DMD: variants seen among roughly 807,000 people sequenced by gnomAD.
DMD encodes the protein mutant dystrophin.
In DMD, 63 loss-of-function variants were observed where a neutral mutation model predicts 330.1. The observed-to-expected ratio is 0.19, with a 90% CI of 0.16 to 0.24. The LOEUF is 0.24. Among genes scored for constraint, DMD ranks in the 10% least tolerant of loss-of-function variants. The pLI, the probability that DMD is intolerant of heterozygous loss-of-function variation, is 1.00. For synonymous variants in DMD, 1,223 were observed against 959.8 expected (o/e 1.27, Z -5.07); for missense variants, 3,344 against 2,684.1 (o/e 1.25, Z -5.43).
chrX:31,294,042 T>C (rs1296805594), intron 62 of DMD, among the ~76,000 whole-genome samples: 1 of 111,889 alleles, frequency 8.9e-6, no homozygotes, highest in East Asian at 2.8e-4. Flanking sequence ...ACATAATATT[T>C]TCCAAAGCTT....
intron 7 of DMD, among the ~76,000 whole-genome samples, chrX:32,704,727 T>C (rs2064448555): frequency 9.0e-6 from 1 of 111,496 alleles, no homozygotes; most frequent in Admixed American, 9.5e-5. Flanking sequence ...AATAAATAAA[T>C]TCACTGAGAA....
At chrX:31,213,812 G>T (rs1215675370) in intron 64 of DMD, among the ~76,000 whole-genome samples, 1 of 111,968 alleles carries the variant, frequency 8.9e-6, no homozygotes, top group Non-Finnish European at 1.9e-5. Flanking sequence ...CTCATTCTTA[G>T]CTAAAAGTAT....
intron 11 of DMD, among the ~76,000 whole-genome samples, chrX:32,618,746 T>C (rs2057774311): frequency 9.0e-6 from 1 of 110,681 alleles, no homozygotes; most frequent in Admixed American, 9.6e-5. Context: ...ATGGCTACTA[T>C]CCAAAACAAA....
At chrX:32,406,647 C>T (rs759417240) in intron 30 of DMD, among the ~76,000 whole-genome samples, 23 of 110,848 alleles carry the variant, frequency 2.1e-4, no homozygotes, top group African/African-American at 6.9e-4. Context: ...CTGCTGGATT[C>T]GGTTTGCCAG....
chrX:32,396,611 T>G (rs1355776980), intron 30 of DMD, among the ~76,000 whole-genome samples: 1 of 108,473 alleles, frequency 9.2e-6, no homozygotes, highest in Middle Eastern at 4.4e-3. Flanking sequence ...GTTATCCTTT[T>G]GCTTTTTTTT....
chrX:31,119,766 G>GGTCCAGCGTCACATAA lies in DMD; in HGVS notation c.*2137_*2152dup, dbSNP rs1274964675. 9 of 111,483 alleles carry GGTCCAGCGTCACATAA rather than the reference G, an allele frequency of 8.1e-5. No individual in the cohort carries two copies. In the East Asian group the frequency reaches 2.0e-3, roughly 24 times the overall value. The allele number at this position is 111,483 out of a possible 1,213,427, so 9.2% of individuals were successfully genotyped here. On this transcript the variant is annotated 3_prime_UTR_variant, in exon 79 of 79. Transcript: ENST00000357033. ...TTTAAAAATCCTTGGGTAAAGAAAA[G>GGTCCAGCGTCACATAA]GTCCAGCGTCACATAAAGGAAAAAA...
intron 1 of DMD, among the ~76,000 whole-genome samples, chrX:33,264,722 T>A (rs910987719): frequency 1.2e-4 from 13 of 104,042 alleles, no homozygotes; most frequent in Non-Finnish European, 1.4e-4. Flanking sequence ...GTTTTTTTTT[T>A]ACATATATTG....
At chrX:31,202,862 A>G (rs1300739859) in intron 67 of DMD, among the ~76,000 whole-genome samples, 1 of 112,695 alleles carries the variant, frequency 8.9e-6, no homozygotes, top group Non-Finnish European at 1.9e-5. Flanking sequence ...ACTTTTGAAG[A>G]AAGGCCACAA....
intron 9 of DMD, among the ~76,000 whole-genome samples, chrX:32,676,882 A>G (rs2062009674): frequency 9.0e-6 from 1 of 111,542 alleles, no homozygotes; most frequent in South Asian, 3.7e-4. Context: ...ATTATTTCCT[A>G]TCTTCAGTTT....
At chrX:31,660,967 ATAG>A (rs1387062622) in intron 53 of DMD, among the ~76,000 whole-genome samples, 2 of 111,871 alleles carry the variant, frequency 1.8e-5, no homozygotes, top group Admixed American at 1.9e-4. Flanking sequence ...AACATAATCA[ATAG>A]ATCATAAAAA....
intron 2 of DMD, among the ~76,000 whole-genome samples, chrX:32,985,002 A>C: frequency 8.9e-6 from 1 of 112,407 alleles, no homozygotes; most frequent in Non-Finnish European, 1.9e-5. Flanking sequence ...TGTACAATAT[A>C]ATTTAAAAGG....
intron 52 of DMD, among the ~76,000 whole-genome samples, chrX:31,721,708 CTCTCTCTCTCTATATATA>C (rs1390737232): frequency 1.2e-3 from 57 of 49,187 alleles, no homozygotes; most frequent in Middle Eastern, 9.5e-3. Flanking sequence ...CTCTCTCTCT[CTCTCTCTCTCTATATATA>C]TATATATATA....
intron 60 of DMD, among the ~76,000 whole-genome samples, chrX:31,409,435 C>A (rs1392482027): frequency 8.9e-6 from 1 of 112,354 alleles, no homozygotes; most frequent in Non-Finnish European, 1.9e-5. Flanking sequence ...TCCTTTACTA[C>A]AATGGGGGTT....
rs959108625 is a variant in DMD, at chrX:32,827,404, T to C, written c.265-4017A>G. Among the ~76,000 whole-genome samples the C allele has an allele frequency of 2.7e-5, 3 of 111,177 alleles. No homozygotes were observed. In the Admixed American group the frequency reaches 2.9e-4, roughly 11 times the overall value. ...GGAGATATTATATTCAGGGACAGAATTGTATTCAGTGGCAGACAGCTACTC... is the reference window on the plus strand; with the variant it reads ...GGAGATATTATATTCAGGGACAGAACTGTATTCAGTGGCAGACAGCTACTC... On this transcript the variant is annotated intron_variant, in intron 4 of 78. Coordinates refer to ENST00000357033, the MANE Select transcript of DMD (RefSeq NM_004006.3).
At chrX:32,121,075 G>A (rs1183329223) in intron 44 of DMD, among the ~76,000 whole-genome samples, 1 of 112,265 alleles carries the variant, frequency 8.9e-6, no homozygotes, top group Non-Finnish European at 1.9e-5. Context: ...AGAAGTTACT[G>A]ATTTGTGCAG....
At chrX:32,876,825 C>T (rs1443438395) in intron 2 of DMD, among the ~76,000 whole-genome samples, 2 of 112,353 alleles carry the variant, frequency 1.8e-5, no homozygotes, top group East Asian at 2.8e-4. Flanking sequence ...ATAGGTGACA[C>T]TAATCTGTGC....
chrX:33,088,920 A>T (rs982674676), intron 1 of DMD, among the ~76,000 whole-genome samples: 1 of 111,027 alleles, frequency 9.0e-6, no homozygotes, highest in Non-Finnish European at 1.9e-5. Flanking sequence ...AAAAGATGAA[A>T]CAGGATAGTA....
chrX:32,483,164 T>TATATATATACAC lies in DMD; in HGVS notation c.2803+1754_2803+1755insGTGTATATATAT, dbSNP rs1481445275. Among the ~76,000 whole-genome samples, 6 of 61,601 alleles carry TATATATATACAC rather than the reference T, an allele frequency of 9.7e-5. 1 individual carries two copies. The highest frequency in any genetic ancestry group is 4.6e-4 in the Admixed American group (2 of 4,329). 53.5% of individuals were successfully genotyped at this position (61,601 alleles called of 115,157 possible). A position where few individuals can be genotyped will look rare whatever the true frequency, so the allele number is the denominator to read the frequency against. ...TTCATTCCATATATATATATATATA[T>TATATATATACAC]ACACCATATTTAATTAAAGGGTTAT... is the stretch of plus-strand genomic sequence containing the variant. On this transcript the variant is annotated intron_variant, in intron 21 of 78. Transcript: ENST00000357033.
At chrX:31,943,925 GAGAA>G (rs1333675801) in intron 45 of DMD, among the ~76,000 whole-genome samples, 3 of 97,544 alleles carry the variant, frequency 3.1e-5, no homozygotes, top group East Asian at 3.4e-4. Flanking sequence ...GAGAGAGAGA[GAGAA>G]AAGGGAACAT....
Sources: allele counts gnomAD v4.1 joint callset (sites outside exome capture counted in the v4.1 genomes callset), GRCh38; gene constraint gnomAD v4.1.1; transcripts MANE v1.5; gene names NCBI Gene and HGNC (gene_info 2026-07-23, HGNC 2026-07-21).